DDO: variants seen among roughly 807,000 people sequenced by gnomAD.
DDO encodes the protein D-aspartate oxidase, also known as D-aspartate oxidase, DDO.
A neutral mutation model predicts 16.8 loss-of-function variants in DDO; 16 were observed. The observed-to-expected ratio is 0.95, with a 90% CI of 0.65 to 1.45. The LOEUF (loss-of-function observed/expected upper bound fraction) is 1.45. Ranked by LOEUF, DDO falls within the 40% of genes most tolerant of loss-of-function variation. The pLI, the probability that DDO is intolerant of heterozygous loss-of-function variation, is 0.00. For missense variants in DDO, 429 were observed against 420.3 expected, an observed-to-expected ratio of 1.02 and a Z score of -0.18; for synonymous variants, 180 against 167.2, an observed-to-expected ratio of 1.08 and a Z score of -0.59.
intron 2 of DDO, among the ~76,000 whole-genome samples, chr6:110,411,962 A>G (rs1396559240): frequency 5.9e-5 from 9 of 152,204 alleles, no homozygotes; most frequent in Admixed American, 3.3e-4. Flanking sequence ...TCAAAAATCA[A>G]TGCATTGGTG....
At chr6:110,397,155 A>C (rs1773316637) in intron 4 of DDO, among the ~76,000 whole-genome samples, 1 of 152,204 alleles carries the variant, frequency 6.6e-6, no homozygotes, top group Non-Finnish European at 1.5e-5. Flanking sequence ...GAAATGAGAC[A>C]CATCTGGAAA....
chr6:110,415,435 G>A (rs371967226), intron 1 of DDO, 32 bp downstream of exon 1: 8 of 1,613,020 alleles, frequency 5.0e-6, no homozygotes, highest in African/African-American at 1.3e-5. Flanking sequence ...TGGACGGAAC[G>A]ACCCCTCAGC....
At position 110,404,948 on chromosome 6, in the gene DDO, C is replaced by T; in HGVS notation, c.284G>A (p.Trp95Ter). 6.2e-7 allele frequency: 1 copy of T among 1,613,994 alleles called. No homozygotes were observed. Among genetic ancestry groups the T allele is most frequent in the Non-Finnish European group, 8.5e-7 (1 of 1,179,948 alleles). Residue 95 changes from tryptophan (W) to a stop codon, truncating the protein, a stop_gained and splice_region_variant, in exon 4 of 5, where the codon TGG becomes TAG. Transcript: ENST00000368924. LOFTEE classifies it high-confidence loss of function. ...GDAGVHLVSG[W>*]QIFQSTPTEE... ...AGTCGGAGTGCTCTGAAATATCTGC[C>T]AACTCAAACGTATTAAGTGAACATT...
At chr6:110,408,309 A>T (rs754445054) in intron 3 of DDO, 25 bp downstream of exon 3, 1 of 1,604,640 alleles carries the variant, frequency 6.2e-7, no homozygotes, top group South Asian at 1.1e-5. Context: ...TACACTCTAA[A>T]ATAACTTCAA....
intron 2 of DDO, among the ~76,000 whole-genome samples, chr6:110,412,969 C>G (rs893903208): frequency 2.6e-5 from 4 of 152,070 alleles, no homozygotes; most frequent in African/African-American, 9.7e-5. Flanking sequence ...CAAGACAAGA[C>G]CTTGTCTCTA....
rs764591457 is a variant in DDO, at chr6:110,408,408, T to C, written c.207A>G (p.Arg69=). 6.2e-7 allele frequency: 1 copy of C among 1,614,186 alleles called. No individual in the cohort carries two copies. The highest frequency in any genetic ancestry group is 8.5e-7 in the Non-Finnish European group (1 of 1,180,036). The change falls in exon 3 of 5, where the codon AGA becomes AGG. Residue 69 remains arginine, a synonymous_variant. Transcript: ENST00000368924. The stretch of plus-strand genomic sequence containing the variant: ...TTGCAAAGAGGTGATTAAAGGTTTC[T>C]CTGAACCACTGCTTCTGCGTGTGAA... ...TPIHTQKQWF[R]ETFNHLFAIA...
chr6:110,393,307 C>G lies in DDO; in HGVS notation c.494G>C (p.Arg165Pro). ...ATGAAGTTCCCACAGGTCTTCTATT[C>G]GCCGAGTGAGTGTCCAGCCTCCACT... ...KGSGGWTLTR[R>P]IEDLWELHPS... is the part of the protein sequence containing the mutation. Residue 165 changes from arginine to proline, a missense_variant, in exon 5 of 5, where the codon CGA (arginine) becomes CCA (proline). Physicochemically the swap from Arg to Pro is moderately radical, Grantham distance 103. Coordinates refer to ENST00000368924, the MANE Select transcript of DDO (RefSeq NM_001372108.2). 6.2e-7 allele frequency: 1 copy of G among 1,608,648 alleles called. No individual in the cohort carries two copies. The highest frequency in any genetic ancestry group is 1.3e-5 in the African/African-American group (1 of 74,956).
At position 110,392,519 on chromosome 6, in the gene DDO, G is replaced by T; in HGVS notation, c.*256C>A. 8.5e-7 allele frequency: 1 copy of T among 1,175,488 alleles called. No homozygotes were observed. Among genetic ancestry groups the T allele is most frequent in the Non-Finnish European group, 1.0e-6 (1 of 953,264 alleles). The allele number at this position is 1,175,488 out of a possible 1,614,324, so 72.8% of individuals were successfully genotyped here. On this transcript the variant is annotated 3_prime_UTR_variant, in exon 5 of 5. Transcript: ENST00000368924. ...TTTTGTTGTTGGTGTTTTTTTTAGA[G>T]GTGGGAACTGGCACCTCTAAAAAAT...
chr6:110,406,718 C>T (rs1365451940), intron 3 of DDO, among the ~76,000 whole-genome samples: 2 of 152,158 alleles, frequency 1.3e-5, no homozygotes, highest in South Asian at 2.1e-4. Flanking sequence ...AATGCTGTCT[C>T]CTTCGTCTCC....
At chr6:110,403,520 T>C (rs907183859) in intron 4 of DDO, among the ~76,000 whole-genome samples, 1 of 152,230 alleles carries the variant, frequency 6.6e-6, no homozygotes, top group African/African-American at 2.4e-5. Context: ...ACTTGGCATA[T>C]GAACAGTGGT....
chr6:110,394,931 G>A (rs1317433545), intron 4 of DDO, among the ~76,000 whole-genome samples: 1 of 152,174 alleles, frequency 6.6e-6, no homozygotes, highest in Non-Finnish European at 1.5e-5. Context: ...CAAGGGGAGA[G>A]ACTGTATCTT....
intron 1 of DDO, among the ~76,000 whole-genome samples, chr6:110,414,328 G>T (rs1383916049): frequency 6.6e-6 from 1 of 152,246 alleles, no homozygotes; most frequent in Non-Finnish European, 1.5e-5. Flanking sequence ...GTCCTGGACA[G>T]GTTCTGTAAC....
downstream of DDO, among the ~76,000 whole-genome samples, chr6:110,390,139 T>C (rs1228734667): frequency 1.3e-5 from 2 of 152,152 alleles, no homozygotes; most frequent in Non-Finnish European, 2.9e-5. Flanking sequence ...CTTGCCTAAG[T>C]GAGCACATCC....
chr6:110,403,693 T>C (rs1773555798), intron 4 of DDO, among the ~76,000 whole-genome samples: 1 of 152,216 alleles, frequency 6.6e-6, no homozygotes, highest in African/African-American at 2.4e-5. Context: ...CTAGCAGATC[T>C]AGGCTTCCTC....
At chr6:110,398,421 CA>C (rs1773363457) in intron 4 of DDO, among the ~76,000 whole-genome samples, 48 of 138,632 alleles carry the variant, frequency 3.5e-4, no homozygotes, top group African/African-American at 1.4e-3. Flanking sequence ...CACACACACA[CA>C]CACACTTGGC....
chr6:110,388,717 C>T (rs1773055056), downstream of DDO: 1 of 842,644 alleles, frequency 1.2e-6, no homozygotes. Flanking sequence ...AGCCTCGTTC[C>T]TCTGGGTCAC....
chr6:110,409,758 T>C (rs1773786923), intron 2 of DDO, among the ~76,000 whole-genome samples: 1 of 152,192 alleles, frequency 6.6e-6, no homozygotes, highest in Non-Finnish European at 1.5e-5. Flanking sequence ...TCAAATAGAC[T>C]TTACCCAACA....
chr6:110,392,183 G>C lies in DDO; in HGVS notation c.*592C>G, dbSNP rs1773120051. The C allele has an allele frequency of 2.0e-6, 2 of 985,238 alleles. No homozygotes were observed. Among genetic ancestry groups the C allele is most frequent in the Non-Finnish European group, 2.4e-6 (2 of 829,864 alleles). 61.0% of individuals were successfully genotyped at this position (985,238 alleles called of 1,614,324 possible). A position where few individuals can be genotyped will look rare whatever the true frequency, so the allele number is the denominator to read the frequency against. ...TAAATGTAATAATCCAGCACTGTGT[G>C]AGCACAATGTAATTTTATTTAGAGG... On this transcript the variant is annotated 3_prime_UTR_variant, in exon 5 of 5. Coordinates refer to ENST00000368924, the MANE Select transcript of DDO (RefSeq NM_001372108.2).
At chr6:110,402,537 C>T (rs909931403) in intron 4 of DDO, among the ~76,000 whole-genome samples, 6 of 152,062 alleles carry the variant, frequency 3.9e-5, no homozygotes, top group Non-Finnish European at 8.8e-5. Context: ...TGGTGGCAGG[C>T]ACCTGTAATC....
Sources: allele counts gnomAD v4.1 joint callset (sites outside exome capture counted in the v4.1 genomes callset), GRCh38; gene constraint gnomAD v4.1.1; transcripts MANE v1.5; gene names NCBI Gene and HGNC (gene_info 2026-07-23, HGNC 2026-07-21).